CNTNAP2: variants seen among roughly 807,000 people sequenced by gnomAD.
The protein encoded by CNTNAP2 is contactin-associated protein-like 2.
Under a neutral mutation model 155.2 loss-of-function variants are expected in CNTNAP2, and 98 were observed. The ratio of observed to expected loss-of-function variants is 0.63; its 90% CI spans 0.54 to 0.75. CNTNAP2 has a LOEUF of 0.75. Among genes scored for constraint, CNTNAP2 ranks in the 30% least tolerant of loss-of-function variants. The pLI is 0.00. For synonymous variants in CNTNAP2, 651 were observed against 631.2 expected, an observed-to-expected ratio of 1.03 and a Z score of -0.47; for missense variants, 1,727 against 1,688.1, an observed-to-expected ratio of 1.02 and a Z score of -0.40.
At chr7:146,821,747 A>T (rs1803288064) in intron 2 of CNTNAP2, among the ~76,000 whole-genome samples, 1 of 152,206 alleles carries the variant, frequency 6.6e-6, no homozygotes, top group Admixed American at 6.5e-5. Context: ...GCCATCAGAG[A>T]AATGCAAATC....
At chr7:147,842,585 TTC>T (rs1368296556) in intron 13 of CNTNAP2, among the ~76,000 whole-genome samples, 12 of 84,370 alleles carry the variant, frequency 1.4e-4, no homozygotes, top group South Asian at 4.6e-4. Context: ...CTTTTTACTT[TTC>T]TTTTTTTTTT....
intron 1 of CNTNAP2, among the ~76,000 whole-genome samples, chr7:146,412,232 C>A (rs1189742338): frequency 6.6e-6 from 1 of 152,184 alleles, no homozygotes; most frequent in East Asian, 1.9e-4. Flanking sequence ...GAGCCAGGGA[C>A]GTGGCCAAAC....
At chr7:146,445,261 G>A (rs1294273658) in intron 1 of CNTNAP2, among the ~76,000 whole-genome samples, 1 of 152,180 alleles carries the variant, frequency 6.6e-6, no homozygotes, top group Non-Finnish European at 1.5e-5. Flanking sequence ...TGTTGTAACT[G>A]TAAATGGGGC....
chr7:146,140,980 A>T (rs1375947553), intron 1 of CNTNAP2, among the ~76,000 whole-genome samples: 1 of 152,188 alleles, frequency 6.6e-6, no homozygotes, highest in Non-Finnish European at 1.5e-5. Context: ...AGGTTTGTGC[A>T]ATTGCAAAAT....
chr7:147,134,564 C>T (rs1439479200), intron 8 of CNTNAP2, among the ~76,000 whole-genome samples: 1 of 151,228 alleles, frequency 6.6e-6, no homozygotes, highest in Non-Finnish European at 1.5e-5. Flanking sequence ...ACTAAGTGCT[C>T]ATATTTGAGA....
At chr7:147,969,494 C>A (rs530653962) in intron 14 of CNTNAP2, among the ~76,000 whole-genome samples, 1 of 152,216 alleles carries the variant, frequency 6.6e-6, no homozygotes, top group South Asian at 2.1e-4. Flanking sequence ...TACTGCAGGG[C>A]CTACTCCAAA....
intron 21 of CNTNAP2, among the ~76,000 whole-genome samples, chr7:148,305,634 G>A (rs771925783): frequency 6.6e-6 from 1 of 152,228 alleles, no homozygotes; most frequent in Non-Finnish European, 1.5e-5. Context: ...GGGGAAGTAA[G>A]CATGTCTTAC....
chr7:148,146,054 G>C (rs1805170591), intron 16 of CNTNAP2, among the ~76,000 whole-genome samples: 2 of 152,300 alleles, frequency 1.3e-5, no homozygotes, highest in Non-Finnish European at 2.9e-5. Context: ...GAACAGTCTA[G>C]GTCCTGAGAG....
At chr7:146,240,929 G>A (rs1183968688) in intron 1 of CNTNAP2, among the ~76,000 whole-genome samples, 1 of 152,122 alleles carries the variant, frequency 6.6e-6, no homozygotes, top group African/African-American at 2.4e-5. Context: ...CAGCTTCTGG[G>A]GAGGCCTCAG....
intron 1 of CNTNAP2, among the ~76,000 whole-genome samples, chr7:146,278,917 C>T (rs950327283): frequency 5.9e-5 from 9 of 151,944 alleles, no homozygotes; most frequent in African/African-American, 1.9e-4. Context: ...ATGAGTATGT[C>T]GGAGATAGGA....
intron 1 of CNTNAP2, among the ~76,000 whole-genome samples, chr7:146,764,504 C>G (rs1278178930): frequency 2.7e-5 from 4 of 147,932 alleles, no homozygotes; most frequent in African/African-American, 7.4e-5. Flanking sequence ...ATTAGAAGAT[C>G]AAGTTCGAGG....
chr7:146,966,710 G>A (rs1391812057), intron 3 of CNTNAP2, among the ~76,000 whole-genome samples: 1 of 152,152 alleles, frequency 6.6e-6, no homozygotes, highest in Non-Finnish European at 1.5e-5. Context: ...ATGTACTCAG[G>A]AAAAGATGAT....
chr7:147,060,546 C>A (rs1190785117), intron 4 of CNTNAP2, among the ~76,000 whole-genome samples: 5 of 152,020 alleles, frequency 3.3e-5, no homozygotes, highest in South Asian at 2.1e-4. Flanking sequence ...CACGGTGAAA[C>A]CCTGTCTCTA....
chr7:147,680,016 A>G (rs58044035), intron 13 of CNTNAP2, among the ~76,000 whole-genome samples: 10,758 of 151,322 alleles, frequency 0.071, 582 homozygotes, highest in African/African-American at 0.15. Context: ...AATTTCATCC[A>G]TTCCTTCTTG....
At chr7:147,686,907 A>C (rs1374834838) in intron 13 of CNTNAP2, among the ~76,000 whole-genome samples, 1 of 152,064 alleles carries the variant, frequency 6.6e-6, no homozygotes, top group Non-Finnish European at 1.5e-5. Context: ...AATGGGTACA[A>C]ATTTACAATT....
At chr7:146,258,898 A>G (rs894601384) in intron 1 of CNTNAP2, among the ~76,000 whole-genome samples, 8 of 152,184 alleles carry the variant, frequency 5.3e-5, no homozygotes, top group East Asian at 3.9e-4. Context: ...TTATGTTATC[A>G]TACTGAGTGA....
intron 12 of CNTNAP2, 40 bp from the exon 13 acceptor site, chr7:147,639,066 T>G (rs775542901): frequency 6.3e-7 from 1 of 1,592,664 alleles, no homozygotes; most frequent in Non-Finnish European, 8.6e-7. Context: ...AGCATTTGCA[T>G]ACTAATGATC....
chr7:147,083,832 A>T (rs902662630), intron 4 of CNTNAP2, among the ~76,000 whole-genome samples: 1 of 141,364 alleles, frequency 7.1e-6, no homozygotes, highest in African/African-American at 2.6e-5. Flanking sequence ...ACATATACAC[A>T]TGTATGTACA....
chr7:146,134,950 C>T (rs987097503), intron 1 of CNTNAP2, among the ~76,000 whole-genome samples: 1 of 151,680 alleles, frequency 6.6e-6, no homozygotes, highest in Non-Finnish European at 1.5e-5. Flanking sequence ...AGGATTCCCT[C>T]TTTTTCTATT....
Sources: allele counts gnomAD v4.1 joint callset (sites outside exome capture counted in the v4.1 genomes callset), GRCh38; gene constraint gnomAD v4.1.1; transcripts MANE v1.5; gene names NCBI Gene and HGNC (gene_info 2026-07-23, HGNC 2026-07-21).